SLC12A8: variants seen among roughly 807,000 people sequenced by gnomAD.
SLC12A8 encodes the protein cation-chloride cotransporter 9.
A neutral mutation model predicts 75.6 loss-of-function variants in SLC12A8; 69 were observed. That is an observed-to-expected ratio of 0.91 (90% confidence interval 0.75 to 1.11). The LOEUF is 1.11. Among genes scored for constraint, SLC12A8 ranks in the 50% most tolerant of loss-of-function variants. The probability of loss-of-function intolerance (pLI) is 0.00; values close to 1 mark genes in which losing one functional copy is unlikely to be tolerated. For synonymous variants in SLC12A8, 365 were observed against 372.8 expected (o/e 0.98, Z 0.24); for missense variants, 877 against 896.7 (o/e 0.98, Z 0.28).
intron 10 of SLC12A8, among the ~76,000 whole-genome samples, chr3:125,093,953 A>G (rs1938647662): frequency 6.6e-6 from 1 of 152,104 alleles, no homozygotes; most frequent in Non-Finnish European, 1.5e-5. Context: ...CTTTTTCTCT[A>G]TCAGCATCCA....
intron 4 of SLC12A8, among the ~76,000 whole-genome samples, chr3:125,183,879 G>A (rs556745647): frequency 1.9e-4 from 29 of 152,196 alleles, no homozygotes; most frequent in African/African-American, 7.0e-4. Flanking sequence ...AGCAGGCCCT[G>A]CCACCAAGGC....
At chr3:125,089,604 A>T (rs1426735230) in intron 12 of SLC12A8, among the ~76,000 whole-genome samples, 1 of 151,240 alleles carries the variant, frequency 6.6e-6, no homozygotes, top group Non-Finnish European at 1.5e-5. Flanking sequence ...TTTTTAATAC[A>T]CACGACTTAA....
In SLC12A8 at chr3:125,091,545, G is replaced by C; in HGVS notation, c.1815C>G (p.Ser605=). 6.2e-7 allele frequency: 1 copy of C among 1,611,932 alleles called. No homozygotes were observed. Among genetic ancestry groups the C allele is most frequent in the Non-Finnish European group, 8.5e-7 (1 of 1,178,138 alleles). Residue 605 remains serine (S), a synonymous_variant, in exon 12 of 14, where the codon TCC becomes TCG. Coordinates refer to ENST00000469902, the MANE Select transcript of SLC12A8 (RefSeq NM_024628.6). ...ACTGTATCACAAACATGATGAGAAG[G>C]GACCCAACAGCCTGTGAAAACAGAG... ...PWVSLLGAVG[S]LLIMFVIQWV... is the part of the protein sequence containing the mutation.
chr3:125,140,139 CTG>C (rs1933593757), intron 5 of SLC12A8, among the ~76,000 whole-genome samples: 1 of 152,222 alleles, frequency 6.6e-6, no homozygotes, highest in African/African-American at 2.4e-5. Flanking sequence ...ATGGCCAAGA[CTG>C]TGTGCACAGA....
chr3:125,088,121 G>A (rs2107729987), intron 13 of SLC12A8, 189 bp downstream of exon 13: 1 of 591,756 alleles, frequency 1.7e-6, no homozygotes, highest in East Asian at 2.8e-5. Flanking sequence ...CTTCTGATGA[G>A]CCGAATCTGG....
Position 125,156,463 on chromosome 3 carries a change from T to TA in SLC12A8, c.623-20682_623-20681insT, listed in dbSNP as rs374819349. ...TGGCAGGATCTTGGACCCTTTTAAA[T>TA]GTTTTCATCATTGTTTTGGATTATA... On this transcript the variant is annotated intron_variant, in intron 5 of 13. Transcript: ENST00000469902. Among the ~76,000 whole-genome samples the TA allele has an allele frequency of 2.9e-4, 44 of 152,338 alleles. 1 individual carries two copies. The highest frequency in any genetic ancestry group is 9.9e-4 in the African/African-American group (41 of 41,578).
At chr3:125,132,715 T>A (rs1933391814) in intron 6 of SLC12A8, among the ~76,000 whole-genome samples, 1 of 152,082 alleles carries the variant, frequency 6.6e-6, no homozygotes, top group African/African-American at 2.4e-5. Context: ...GGAAGAGAAG[T>A]CTGGGCTGGA....
intron 4 of SLC12A8, 122 bp from the exon 5 acceptor site, chr3:125,178,096 G>C: frequency 1.2e-6 from 1 of 806,940 alleles, no homozygotes; most frequent in Non-Finnish European, 2.1e-6. Context: ...CCAAGGCACA[G>C]TGCCTGGGAC....
chr3:125,194,484 C>T (rs1934968391), intron 2 of SLC12A8, among the ~76,000 whole-genome samples: 1 of 152,156 alleles, frequency 6.6e-6, no homozygotes. Context: ...GGAAGTTGCA[C>T]CTGAGTAGGA....
At chr3:125,128,449 G>A (rs1003901342) in intron 6 of SLC12A8, among the ~76,000 whole-genome samples, 1 of 148,800 alleles carries the variant, frequency 6.7e-6, no homozygotes, top group Non-Finnish European at 1.5e-5. Flanking sequence ...CAAAGTGCTG[G>A]GATTACAGGC....
intron 5 of SLC12A8, among the ~76,000 whole-genome samples, chr3:125,165,595 G>A (rs968778211): frequency 1.3e-5 from 2 of 152,194 alleles, no homozygotes; most frequent in African/African-American, 4.8e-5. Context: ...ATCCAAGGGG[G>A]ACCCAGGCAG....
At chr3:125,111,776 C>A (rs1298510889) in intron 8 of SLC12A8, among the ~76,000 whole-genome samples, 2 of 151,932 alleles carry the variant, frequency 1.3e-5, no homozygotes, top group East Asian at 3.9e-4. Context: ...ATGAATCAGT[C>A]AGGACAGTTG....
chr3:125,087,385 G>A (rs889299128), intron 13 of SLC12A8, among the ~76,000 whole-genome samples: 2 of 152,040 alleles, frequency 1.3e-5, no homozygotes, highest in African/African-American at 2.4e-5. Context: ...AAGCCACCAC[G>A]CCCAGCCCTA....
chr3:125,177,377 G>A (rs1210261985), intron 5 of SLC12A8, among the ~76,000 whole-genome samples: 2 of 151,764 alleles, frequency 1.3e-5, no homozygotes, highest in Non-Finnish European at 2.9e-5. Flanking sequence ...TAATGTAAAT[G>A]ACGAGTTAAT....
intron 6 of SLC12A8, among the ~76,000 whole-genome samples, chr3:125,123,306 T>C (rs1228255838): frequency 7.3e-6 from 1 of 137,858 alleles, no homozygotes; most frequent in Non-Finnish European, 1.5e-5. Context: ...GCCCAGGAGG[T>C]AGAAGTTGCA....
chr3:125,098,845 C>T (rs554295710), intron 10 of SLC12A8, among the ~76,000 whole-genome samples: 1 of 152,214 alleles, frequency 6.6e-6, no homozygotes, highest in East Asian at 1.9e-4. Context: ...GCTTTATATG[C>T]TAAATATGAT....
chr3:125,197,793 G>T (rs1184229219), intron 2 of SLC12A8, among the ~76,000 whole-genome samples: 1 of 152,168 alleles, frequency 6.6e-6, no homozygotes, highest in Non-Finnish European at 1.5e-5. Flanking sequence ...GATCCATGTG[G>T]AAGGAATTAT....
intron 10 of SLC12A8, among the ~76,000 whole-genome samples, chr3:125,101,299 C>T (rs1938870089): frequency 6.6e-6 from 1 of 152,224 alleles, no homozygotes; most frequent in African/African-American, 2.4e-5. Flanking sequence ...AAATGCTAAT[C>T]TCAGTGCCAG....
chr3:125,180,631 C>A (rs1934637579), intron 4 of SLC12A8, among the ~76,000 whole-genome samples: 1 of 152,102 alleles, frequency 6.6e-6, no homozygotes, highest in South Asian at 2.1e-4. Context: ...ACAGAGGTTG[C>A]AGTGAGCTGA....
Sources: allele counts gnomAD v4.1 joint callset (sites outside exome capture counted in the v4.1 genomes callset), GRCh38; gene constraint gnomAD v4.1.1; transcripts MANE v1.5; gene names NCBI Gene and HGNC (gene_info 2026-07-23, HGNC 2026-07-21).